Variants in KCNIP1 observed in about 807,000 individuals in gnomAD.
The protein encoded by KCNIP1 is potassium voltage-gated channel interacting protein 1.
A neutral mutation model predicts 33.0 loss-of-function variants in KCNIP1; 18 were observed. The ratio of observed to expected loss-of-function variants is 0.55; its 90% confidence interval spans 0.38 to 0.81. The LOEUF (loss-of-function observed/expected upper bound fraction) is 0.81. Among genes scored for constraint, KCNIP1 ranks in the 30% least tolerant of loss-of-function variants. KCNIP1 has a pLI of 0.00. For missense variants in KCNIP1, 238 were observed against 271.6 expected (o/e 0.88, Z 0.87); for synonymous variants, 93 against 98.3 (o/e 0.95, Z 0.32).
intron 1 of KCNIP1, among the ~76,000 whole-genome samples, chr5:170,494,861 C>G (rs899602370): frequency 2.0e-5 from 3 of 152,208 alleles, no homozygotes; most frequent in African/African-American, 7.2e-5. Context: ...CAAACCCAGA[C>G]TCTACAGATC....
chr5:170,384,382 G>A (rs752526797), intron 1 of KCNIP1, among the ~76,000 whole-genome samples: 2 of 152,212 alleles, frequency 1.3e-5, no homozygotes, highest in Admixed American at 1.3e-4. Flanking sequence ...CCCCTAAAAG[G>A]AGCAGATGTA....
chr5:170,720,781 A>C (rs1763794047), intron 3 of KCNIP1, among the ~76,000 whole-genome samples: 1 of 152,274 alleles, frequency 6.6e-6, no homozygotes, highest in South Asian at 2.1e-4. Context: ...CCATGCTGGC[A>C]CCACCATTGT....
intron 1 of KCNIP1, among the ~76,000 whole-genome samples, chr5:170,437,971 C>G (rs1755903846): frequency 6.6e-6 from 1 of 152,214 alleles, no homozygotes; most frequent in Non-Finnish European, 1.5e-5. Flanking sequence ...TTTACCATTC[C>G]TAGCCTTGGT....
chr5:170,541,219 C>A (rs13170586), intron 1 of KCNIP1, among the ~76,000 whole-genome samples: 38,017 of 152,058 alleles, frequency 0.25, 6,482 homozygotes, highest in African/African-American at 0.49. Flanking sequence ...ATACAGCTGC[C>A]TCTGATTCTT....
intron 1 of KCNIP1, among the ~76,000 whole-genome samples, chr5:170,535,116 T>A (rs943911979): frequency 1.3e-5 from 2 of 152,154 alleles, no homozygotes; most frequent in Admixed American, 1.3e-4. Flanking sequence ...CTCCGCAACC[T>A]AGGAGAGGTC....
At chr5:170,384,944 A>AGG (rs918361748) in intron 1 of KCNIP1, among the ~76,000 whole-genome samples, 5 of 152,218 alleles carry the variant, frequency 3.3e-5, no homozygotes, top group African/African-American at 1.2e-4. Flanking sequence ...GAGGCTTCAG[A>AGG]GGGGAGAGAA....
At chr5:170,571,089 C>T (rs1373899672) in intron 1 of KCNIP1, among the ~76,000 whole-genome samples, 1 of 152,198 alleles carries the variant, frequency 6.6e-6, no homozygotes, top group Non-Finnish European at 1.5e-5. Context: ...AGGACTGCTG[C>T]AAAAATGTTG....
chr5:170,436,182 G>A (rs1755858401), intron 1 of KCNIP1, among the ~76,000 whole-genome samples: 1 of 152,236 alleles, frequency 6.6e-6, no homozygotes, highest in Non-Finnish European at 1.5e-5. Flanking sequence ...TCTAGGCAAT[G>A]AGATAGTATT....
intron 1 of KCNIP1, among the ~76,000 whole-genome samples, chr5:170,484,787 C>T (rs1201811608): frequency 1.3e-5 from 2 of 151,840 alleles, no homozygotes; most frequent in East Asian, 1.9e-4. Context: ...CCTTTCCACC[C>T]TCTCTCTGCG....
chr5:170,661,052 C>G (rs1041749895), intron 1 of KCNIP1, among the ~76,000 whole-genome samples: 2 of 152,228 alleles, frequency 1.3e-5, no homozygotes, highest in African/African-American at 4.8e-5. Flanking sequence ...TCTGGAAGAT[C>G]TGTTCAGGGG....
intron 1 of KCNIP1, chr5:170,389,704 AG>A (rs1255928154): frequency 2.2e-4 from 34 of 152,232 alleles, no homozygotes; most frequent in African/African-American, 8.2e-4. Flanking sequence ...GGAAGGGTGG[AG>A]TTGGGCTGGA....
intron 1 of KCNIP1, among the ~76,000 whole-genome samples, chr5:170,448,658 C>G (rs1479496625): frequency 1.3e-5 from 2 of 152,244 alleles, no homozygotes; most frequent in African/African-American, 4.8e-5. Flanking sequence ...AGTGAAAAGG[C>G]ATTGCAAACA....
Position 170,736,176 on chromosome 5 carries a change from G to T in KCNIP1, c.*370G>T. On this transcript the variant is annotated 3_prime_UTR_variant, in exon 8 of 8. Transcript: ENST00000328939. The stretch of plus-strand genomic sequence containing the variant: ...ACTGCCTCCAAGTCAGGCAGACCTT[G>T]GTGAATCTGGAAGCAAGAGGACCTG... 1 of 201,806 alleles carries T rather than the reference G, an allele frequency of 5.0e-6. No homozygotes were observed. Among genetic ancestry groups the T allele is most frequent in the Non-Finnish European group, 1.0e-5 (1 of 99,420 alleles). The allele number at this position is 201,806 out of a possible 1,614,324, so 12.5% of individuals were successfully genotyped here. A position where few individuals can be genotyped will look rare whatever the true frequency, so the allele number is the denominator to read the frequency against.
intron 1 of KCNIP1, among the ~76,000 whole-genome samples, chr5:170,568,700 G>C (rs1238517251): frequency 2.0e-5 from 3 of 147,930 alleles, no homozygotes; most frequent in Non-Finnish European, 4.5e-5. Context: ...GCGGGCACCT[G>C]TAATCCCAGC....
At chr5:170,358,036 T>C (rs1168387454) in intron 1 of KCNIP1, among the ~76,000 whole-genome samples, 1 of 152,192 alleles carries the variant, frequency 6.6e-6, no homozygotes, top group East Asian at 1.9e-4. Context: ...TGCGTCTTCC[T>C]CTTTCTGCAC....
chr5:170,566,013 A>G (rs1757192341), intron 1 of KCNIP1, among the ~76,000 whole-genome samples: 1 of 152,102 alleles, frequency 6.6e-6, no homozygotes, highest in African/African-American at 2.4e-5. Flanking sequence ...GTTGTCTTTT[A>G]ATTTCTGAAC....
intron 1 of KCNIP1, among the ~76,000 whole-genome samples, chr5:170,416,278 G>C (rs981278721): frequency 6.6e-6 from 1 of 152,144 alleles, no homozygotes; most frequent in African/African-American, 2.4e-5. Context: ...CCATCAAGGA[G>C]GCAACGCTAT....
intron 1 of KCNIP1, among the ~76,000 whole-genome samples, chr5:170,498,828 A>G (rs1014522637): frequency 3.3e-5 from 5 of 152,264 alleles, no homozygotes; most frequent in Non-Finnish European, 4.4e-5. Flanking sequence ...ATCCCCTGAC[A>G]TGATTGGGTT....
chr5:170,421,546 C>T (rs1474824376), intron 1 of KCNIP1, among the ~76,000 whole-genome samples: 1 of 152,158 alleles, frequency 6.6e-6, no homozygotes, highest in Non-Finnish European at 1.5e-5. Context: ...TTCTGGTTCA[C>T]TGATGGCGTC....
Sources: gnomAD v4.1 joint callset for allele counts (sites outside exome capture counted in the v4.1 genomes callset) on GRCh38, gnomAD v4.1.1 for gene constraint, MANE v1.5 for transcripts, NCBI Gene and HGNC (gene_info 2026-07-23, HGNC 2026-07-21) for gene names.